BLTP2: variants seen among roughly 807,000 people sequenced by gnomAD.
The protein encoded by BLTP2 is bridge-like lipid transfer protein family member 2, also known as U937-associated antigen.
chr17:28,642,210 C>T, the BLTP2 span: 8 of 1,593,066 alleles, frequency 5.0e-6, no homozygotes, highest in South Asian at 1.1e-5. Context: ...GATGTAAGCC[C>T]TAAGCTCCTT....
the BLTP2 span, chr17:28,642,170 G>A: frequency 7.0e-6 from 11 of 1,571,860 alleles, no homozygotes; most frequent in South Asian, 1.1e-5. Flanking sequence ...GTACTGACTT[G>A]AGGGAACCCC....
the BLTP2 span, chr17:28,643,521 T>C: frequency 1.0e-5 from 15 of 1,434,978 alleles, no homozygotes; most frequent in African/African-American, 1.4e-5. Context: ...CCTCCTTGGA[T>C]TGTGATGCCT....
the BLTP2 span, chr17:28,634,664 C>G: frequency 6.2e-7 from 1 of 1,614,224 alleles, no homozygotes; most frequent in South Asian, 1.1e-5. Context: ...TCTGCCAGAG[C>G]TACCAGTTCT....
At chr17:28,634,397 A>G in the BLTP2 span, 1 of 741,694 alleles carries the variant, frequency 1.3e-6, no homozygotes, top group Non-Finnish European at 2.2e-6. Flanking sequence ...CACCCATCCC[A>G]CTCCACCCAC....
At chr17:28,635,748 T>TCA in the BLTP2 span, 4 of 820,308 alleles carry the variant, frequency 4.9e-6, no homozygotes, top group Non-Finnish European at 7.4e-6. Flanking sequence ...CATTAATTAC[T>TCA]GCCTTGCTTT....
At chr17:28,634,032 A>G in the BLTP2 span, 10 of 1,614,066 alleles carry the variant, frequency 6.2e-6, no homozygotes, top group African/African-American at 1.3e-5. Flanking sequence ...AAGTCGACCC[A>G]TTAGCCGCCA....
At chr17:28,620,453 C>T in the BLTP2 span, 16 of 1,592,512 alleles carry the variant, frequency 1.0e-5, no homozygotes, top group African/African-American at 9.4e-5. Flanking sequence ...AAATAAAGCA[C>T]AAAGTCTGGG....
chr17:28,634,902 C>T, the BLTP2 span: 25 of 1,613,946 alleles, frequency 1.5e-5, no homozygotes, highest in Admixed American at 5.0e-5. Flanking sequence ...CCTTCATCAG[C>T]TCGTAGTTAT....
At chr17:28,616,885 T>G in the BLTP2 span, 6 of 1,611,976 alleles carry the variant, frequency 3.7e-6, no homozygotes, top group Admixed American at 8.3e-5. The surrounding 1 kb of genome is among the most constrained non-coding windows in gnomAD (Gnocchi z 4.8). Context: ...GACTGCTTAC[T>G]AACCTCAAAA....
chr17:28,638,505 T>C, the BLTP2 span: 1 of 1,601,278 alleles, frequency 6.2e-7, no homozygotes, highest in South Asian at 1.1e-5. Flanking sequence ...CTTGTTCCTA[T>C]TCCATCTGAG....
the BLTP2 span, chr17:28,644,889 C>T: frequency 1.9e-6 from 2 of 1,065,208 alleles, no homozygotes; most frequent in Non-Finnish European, 1.4e-6. Flanking sequence ...GCCTCACGCG[C>T]CTCAGTAAGG....
At chr17:28,623,321 C>T in the BLTP2 span, among the ~76,000 whole-genome samples, 2 of 152,140 alleles carry the variant, frequency 1.3e-5, no homozygotes, top group African/African-American at 4.8e-5. Flanking sequence ...CATTAGAAAT[C>T]ACATAACCTG....
the BLTP2 span, chr17:28,642,029 T>C: frequency 6.2e-7 from 1 of 1,614,154 alleles, no homozygotes; most frequent in Admixed American, 1.7e-5. Flanking sequence ...AATGCCCACC[T>C]TTAGACACAG....
chr17:28,635,151 G>C, the BLTP2 span: 1 of 1,613,918 alleles, frequency 6.2e-7, no homozygotes, highest in Non-Finnish European at 8.5e-7. Context: ...CACGGTTCCG[G>C]AGGGTCTGCA....
chr17:28,639,842 G>A, the BLTP2 span: 3 of 1,597,970 alleles, frequency 1.9e-6, no homozygotes, highest in Non-Finnish European at 2.6e-6. Flanking sequence ...TGGGGCATGA[G>A]CAAAGAGAGT....
chr17:28,623,263 A>G, the BLTP2 span, among the ~76,000 whole-genome samples: 2 of 152,230 alleles, frequency 1.3e-5, no homozygotes, highest in Non-Finnish European at 2.9e-5. Context: ...TTTCACGATT[A>G]AAGGTGACTT....
the BLTP2 span, chr17:28,618,670 C>A: frequency 1.4e-6 from 1 of 721,640 alleles, no homozygotes; most frequent in Admixed American, 2.6e-5. Context: ...ATTAATGATA[C>A]TATCATTAAT....
the BLTP2 span, among the ~76,000 whole-genome samples, chr17:28,627,806 C>A: frequency 6.6e-6 from 1 of 152,042 alleles, no homozygotes; most frequent in East Asian, 1.9e-4. Flanking sequence ...AGGTACTTGC[C>A]ACCATGCCTG....
the BLTP2 span, chr17:28,620,983 A>T: frequency 6.2e-7 from 1 of 1,613,838 alleles, no homozygotes; most frequent in African/African-American, 1.3e-5. Context: ...TCAAGCCCTG[A>T]ATACCTTCCT....
Sources: allele counts gnomAD v4.1 joint callset (sites outside exome capture counted in the v4.1 genomes callset), GRCh38; gene constraint gnomAD v4.1.1; non-coding constraint Gnocchi (gnomAD v3.1); transcripts MANE v1.5; gene names NCBI Gene and HGNC (gene_info 2026-07-23, HGNC 2026-07-21).